Variants in CNTN1 observed in about 807,000 individuals in gnomAD.
CNTN1 encodes contactin-1.
In CNTN1, 38 loss-of-function variants were observed where a neutral mutation model predicts 126.4. The observed-to-expected ratio is 0.30, with a 90% confidence interval of 0.23 to 0.39. The LOEUF (loss-of-function observed/expected upper bound fraction) is 0.39, where lower values mean the gene tolerates loss of function less well. Among genes scored for constraint, CNTN1 ranks in the 10% least tolerant of loss-of-function variants. The pLI is 1.00. For synonymous variants in CNTN1, 413 were observed against 422.6 expected (o/e 0.98, Z 0.28); for missense variants, 1,009 against 1,248.4 (o/e 0.81, Z 2.89).
intron 20 of CNTN1, among the ~76,000 whole-genome samples, chr12:41,021,266 T>C (rs1429506473): frequency 6.6e-6 from 1 of 152,076 alleles, no homozygotes; most frequent in African/African-American, 2.4e-5. Flanking sequence ...GATTCAAAGT[T>C]CGGGGTTTTA....
chr12:40,905,846 T>C (rs1944789106), intron 1 of CNTN1, among the ~76,000 whole-genome samples: 1 of 152,244 alleles, frequency 6.6e-6, no homozygotes, highest in African/African-American at 2.4e-5. Flanking sequence ...TGACAAAGTT[T>C]AGATAGGCAT....
At chr12:41,024,781 A>G (rs1949003569) in intron 20 of CNTN1, among the ~76,000 whole-genome samples, 1 of 152,210 alleles carries the variant, frequency 6.6e-6, no homozygotes, top group Non-Finnish European at 1.5e-5. Flanking sequence ...CAGAAGTAAA[A>G]CAGGAAATAA....
At chr12:40,975,645 G>A (rs560000598) in intron 15 of CNTN1, among the ~76,000 whole-genome samples, 5 of 152,082 alleles carry the variant, frequency 3.3e-5, no homozygotes, top group Non-Finnish European at 7.4e-5. Context: ...TATAATGGGT[G>A]CAAAACAAGA....
intron 5 of CNTN1, among the ~76,000 whole-genome samples, chr12:40,923,286 GA>G (rs1187153542): frequency 6.6e-6 from 1 of 152,066 alleles, no homozygotes; most frequent in East Asian, 1.9e-4. Context: ...AGGTTGTTTT[GA>G]AAGAAAATTT....
At position 40,885,365 on chromosome 12, in the gene CNTN1, C is replaced by T. The variant is rs150487957; in HGVS notation, c.-76-22992C>T. On this transcript the variant is annotated intron_variant, in intron 1 of 23. Transcript: ENST00000551295. ...TAGAATCTGTTTGTTCTGTAAAGAA[C>T]ACCATTTTTTATGAAGTTTTTATTA... Among the ~76,000 whole-genome samples, 9 of 151,968 alleles carry T rather than the reference C, an allele frequency of 5.9e-5. No homozygotes were observed. In the East Asian group the frequency reaches 1.7e-3, roughly 29 times the overall value.
At position 40,702,137 on chromosome 12, in the gene CNTN1, T is replaced by A. The variant is rs567208095; in HGVS notation, c.-77+9545T>A. 3.3e-5 allele frequency among the ~76,000 whole-genome samples: 5 copies of A among 151,916 alleles called. No homozygotes were observed. In the South Asian group the frequency reaches 1.0e-3, roughly 32 times the overall value. On this transcript the variant is annotated intron_variant, in intron 1 of 23. Coordinates refer to ENST00000551295, the MANE Select transcript of CNTN1 (RefSeq NM_001843.4). ...TTTCCCTAGAGACAGGGTCTTGCTC[T>A]GTTGCCCAGCCTGTTCTCGGACTCC...
intron 16 of CNTN1, among the ~76,000 whole-genome samples, chr12:40,981,700 GC>G (rs1344041170): frequency 6.6e-6 from 1 of 152,014 alleles, no homozygotes; most frequent in East Asian, 1.9e-4. Flanking sequence ...GTCATGACTA[GC>G]CTACAATATC....
chr12:40,901,420 G>T (rs754027924), intron 1 of CNTN1, among the ~76,000 whole-genome samples: 3 of 151,970 alleles, frequency 2.0e-5, no homozygotes, highest in Admixed American at 6.6e-5. Flanking sequence ...TGAGTAAATC[G>T]CAAGATAATA....
chr12:41,056,627 T>C (rs1168004340), intron 23 of CNTN1, among the ~76,000 whole-genome samples: 1 of 151,918 alleles, frequency 6.6e-6, no homozygotes, highest in Admixed American at 6.6e-5. Flanking sequence ...TTGTTAACTA[T>C]TTGGGAGAGG....
chr12:40,949,569 C>CTTTTT (rs36070275), intron 14 of CNTN1, among the ~76,000 whole-genome samples: 34 of 64,310 alleles, frequency 5.3e-4, no homozygotes, highest in African/African-American at 6.6e-4. Flanking sequence ...TCTTTTCTTT[C>CTTTTT]TTTTTTTTTT....
At chr12:40,973,604 C>T (rs1426118985) in intron 15 of CNTN1, among the ~76,000 whole-genome samples, 1 of 152,062 alleles carries the variant, frequency 6.6e-6, no homozygotes, top group Non-Finnish European at 1.5e-5. Context: ...TAGGGAATTA[C>T]CAGTGGAAAA....
intron 12 of CNTN1, 132 bp from the exon 13 acceptor site, chr12:40,943,465 A>T: frequency 2.9e-6 from 2 of 686,978 alleles, no homozygotes; most frequent in South Asian, 4.0e-5. Flanking sequence ...TTGTCATCTT[A>T]CAAAAATGTC....
intron 1 of CNTN1, among the ~76,000 whole-genome samples, chr12:40,906,275 GA>G (rs200524605): frequency 2.7e-5 from 4 of 150,660 alleles, no homozygotes; most frequent in African/African-American, 7.3e-5. Context: ...CGTCTCAAAA[GA>G]AAAAAAAATT....
rs2136937686 is a variant in CNTN1, at chr12:40,939,345, A to G, written c.1239A>G (p.Pro413=). 1 of 1,613,854 alleles carries G rather than the reference A, an allele frequency of 6.2e-7. No homozygotes were observed. Among genetic ancestry groups the G allele is most frequent in the Non-Finnish European group, 8.5e-7 (1 of 1,179,898 alleles). ...NAELKILALA[P]TFEMNPMKKK... is the part of the protein sequence containing the mutation. ...TTGTTTTCTTTTTAGCGTTGGCTCC[A>G]ACTTTTGAAATGAATCCTATGAAGA... Residue 413 remains proline (P), a synonymous_variant, in exon 12 of 24, where the codon CCA becomes CCG. Coordinates refer to ENST00000551295, the MANE Select transcript of CNTN1 (RefSeq NM_001843.4).
chr12:40,795,429 T>C (rs1940391440), intron 1 of CNTN1, among the ~76,000 whole-genome samples: 1 of 151,696 alleles, frequency 6.6e-6, no homozygotes, highest in African/African-American at 2.4e-5. Flanking sequence ...AATCTATACA[T>C]TTAACAGAAC....
chr12:41,022,885 C>CCATT (rs1948952464), intron 20 of CNTN1, among the ~76,000 whole-genome samples: 2 of 152,040 alleles, frequency 1.3e-5, no homozygotes. Flanking sequence ...ATTATTCTTC[C>CCATT]CATTCATTCT....
chr12:40,697,541 G>C (rs1442476616), intron 1 of CNTN1, among the ~76,000 whole-genome samples: 1 of 152,082 alleles, frequency 6.6e-6, no homozygotes, highest in Non-Finnish European at 1.5e-5. Context: ...GAAATGTATA[G>C]CTTTACTGTA....
chr12:40,733,568 G>A (rs560347040), intron 1 of CNTN1, among the ~76,000 whole-genome samples: 9 of 151,962 alleles, frequency 5.9e-5, no homozygotes, highest in African/African-American at 1.9e-4. Flanking sequence ...GGCTTAAAAA[G>A]CAACTAAAGG....
intron 1 of CNTN1, among the ~76,000 whole-genome samples, chr12:40,769,639 TTG>T (rs1939257278): frequency 6.6e-6 from 1 of 152,164 alleles, no homozygotes; most frequent in Non-Finnish European, 1.5e-5. Flanking sequence ...TTTAAAATTT[TTG>T]TGTTTTGTTC....
Sources: gnomAD v4.1 joint callset for allele counts (sites outside exome capture counted in the v4.1 genomes callset) on GRCh38, gnomAD v4.1.1 for gene constraint, MANE v1.5 for transcripts, NCBI Gene and HGNC (gene_info 2026-07-23, HGNC 2026-07-21) for gene names.